Variants in PRRC2B observed in about 807,000 individuals in gnomAD.
The protein encoded by PRRC2B is proline rich coiled-coil 2B.
A neutral mutation model predicts 242.3 loss-of-function variants in PRRC2B; 68 were observed. That is an observed-to-expected ratio of 0.28 (90% CI 0.23 to 0.34). The LOEUF (loss-of-function observed/expected upper bound fraction) is 0.34, where lower values mean the gene tolerates loss of function less well. Among genes scored for constraint, PRRC2B ranks in the 10% least tolerant of loss-of-function variants. The probability of loss-of-function intolerance (pLI) is 1.00; values close to 1 mark genes in which losing one functional copy is unlikely to be tolerated. For synonymous variants in PRRC2B, 1,228 were observed against 1,173.6 expected (o/e 1.05, Z -0.95); for missense variants, 2,835 against 2,954.8 (o/e 0.96, Z 0.94).
Position 131,446,772 on chromosome 9 carries a change from CG to C in PRRC2B, c.855+131del, listed in dbSNP as rs1348652045. ...TTACCCTACTTCTGAGGCTTCCACTCGTTTTGCATTTTCTCTCCCTGCTTTT... is the reference window on the plus strand; with the variant it reads ...TTACCCTACTTCTGAGGCTTCCACTCTTTTGCATTTTCTCTCCCTGCTTTT... On this transcript the variant is annotated intron_variant, in intron 7 of 31. Transcript: ENST00000683519. This position sits in a 1 kb window ranked among gnomAD's most constrained non-coding sequence, Gnocchi z 4.1. The C allele has an allele frequency of 9.2e-7, 1 of 1,082,576 alleles. No individual in the cohort carries two copies. Among genetic ancestry groups the C allele is most frequent in the East Asian group, 2.5e-5 (1 of 40,370 alleles). The allele number at this position is 1,082,576 out of a possible 1,614,324, so 67.1% of individuals were successfully genotyped here. A position where few individuals can be genotyped will look rare whatever the true frequency, so the allele number is the denominator to read the frequency against.
intron 4 of PRRC2B, among the ~76,000 whole-genome samples, chr9:131,438,482 T>C (rs1043218171): frequency 4.6e-5 from 7 of 152,174 alleles, no homozygotes; most frequent in Non-Finnish European, 8.8e-5. Context: ...CTGTGCCTTG[T>C]AGAGTCACGG....
At position 131,475,949 on chromosome 9, in the gene PRRC2B, A is replaced by T. The variant is rs1381024139; in HGVS notation, c.3820A>T (p.Ser1274Cys). ...DAFGGRGFED[S>C]RAEDKRSFFQ... ...ATTTGGTGGCCGGGGCTTTGAGGAC[A>T]GCCGCGCGGAGGACAAGAGATCCTT... The change falls in exon 16 of 32, where the codon AGC (serine) becomes TGC (cysteine). Residue 1274 changes from serine to cysteine, a missense_variant. Coordinates refer to ENST00000683519, the MANE Select transcript of PRRC2B (RefSeq NM_013318.4). 6.2e-7 allele frequency: 1 copy of T among 1,613,696 alleles called. No individual in the cohort carries two copies. Among genetic ancestry groups the T allele is most frequent in the East Asian group, 2.2e-5 (1 of 44,868 alleles).
At chr9:131,483,691 A>G (rs1177933421) in intron 23 of PRRC2B, among the ~76,000 whole-genome samples, 2 of 152,182 alleles carry the variant, frequency 1.3e-5, no homozygotes, top group East Asian at 3.9e-4. Flanking sequence ...CCTCTGTGCC[A>G]GGTGCGAGCC....
chr9:131,436,683 C>G lies in PRRC2B; in HGVS notation c.357C>G (p.Val119=). 1 of 1,614,056 alleles carries G rather than the reference C, an allele frequency of 6.2e-7. No individual in the cohort carries two copies. The highest frequency in any genetic ancestry group is 8.5e-7 in the Non-Finnish European group (1 of 1,179,898). The change falls in exon 4 of 32, where the codon GTC becomes GTG. Residue 119 remains valine, a synonymous_variant. Coordinates refer to ENST00000683519, the MANE Select transcript of PRRC2B (RefSeq NM_013318.4). ...SLPQPGLQKS[V]SNLQKPTQSI... is the part of the protein sequence containing the mutation. ...CGCAGCCGGGTTTGCAGAAATCTGT[C>G]TCCAATTTGCAGAAACCGACACAGT...
intron 26 of PRRC2B, among the ~76,000 whole-genome samples, chr9:131,486,836 TG>T (rs1944037935): frequency 6.6e-6 from 1 of 152,264 alleles, no homozygotes; most frequent in South Asian, 2.1e-4. Context: ...CTTGCATAAC[TG>T]GGTCAGACTG....
intron 10 of PRRC2B, among the ~76,000 whole-genome samples, chr9:131,456,216 T>G (rs200206190): frequency 6.8e-6 from 1 of 147,320 alleles, no homozygotes; most frequent in South Asian, 2.1e-4. Flanking sequence ...TGTCTCTTTT[T>G]TTTTTTTTTT....
chr9:131,478,388 C>G (rs780348752), intron 17 of PRRC2B, 86 bp from the exon 18 acceptor site: 34 of 1,304,138 alleles, frequency 2.6e-5, no homozygotes, highest in Middle Eastern at 3.7e-4. Flanking sequence ...GAGCCTGATG[C>G]TAGATCTCAG....
At position 131,455,113 on chromosome 9, in the gene PRRC2B, G is replaced by C. The variant is rs1239689787; in HGVS notation, c.1158G>C (p.Lys386Asn). Residue 386 changes from lysine to asparagine, a missense_variant, in exon 10 of 32, where the codon AAG (lysine) becomes AAC (asparagine). Lys to Asn is a moderately conservative substitution (Grantham distance 94, BLOSUM62 0). Coordinates refer to ENST00000683519, the MANE Select transcript of PRRC2B (RefSeq NM_013318.4). Reference sequence around the variant, plus strand: ...AAGTGGACTATTCTGAGAAACTGAAGTTCAGTGATGATGAAGAGGAGGAAG... The same window carrying C: ...AAGTGGACTATTCTGAGAAACTGAACTTCAGTGATGATGAAGAGGAGGAAG... The part of the protein sequence containing the change: ...HEEVDYSEKL[K>N]FSDDEEEEEV... 6.2e-7 allele frequency: 1 copy of C among 1,613,896 alleles called. No individual in the cohort carries two copies. Among genetic ancestry groups the C allele is most frequent in the East Asian group, 2.2e-5 (1 of 44,886 alleles).
At chr9:131,478,657 G>T in intron 18 of PRRC2B, 38 bp downstream of exon 18, 1 of 1,397,036 alleles carries the variant, frequency 7.2e-7, no homozygotes, top group Non-Finnish European at 9.9e-7. Context: ...GGGCTGGAGG[G>T]CAGGCTGGCA....
At chr9:131,410,613 T>G (rs892777696) in intron 1 of PRRC2B, among the ~76,000 whole-genome samples, 1 of 152,252 alleles carries the variant, frequency 6.6e-6, no homozygotes, top group African/African-American at 2.4e-5. Context: ...GAACTAGTTA[T>G]TTAACCTTGC....
In PRRC2B at chr9:131,476,139, G is replaced by T. The variant is rs776028262; in HGVS notation, c.4010G>T (p.Gly1337Val). ...GPEEEPHLLA[G>V]QWPGRPKLCS... Reference sequence around the variant, plus strand: ...GAGGAGGAGCCCCACCTGCTGGCAGGTCAGTGGCCAGGCAGGCCCAAACTG... The same window carrying T: ...GAGGAGGAGCCCCACCTGCTGGCAGTTCAGTGGCCAGGCAGGCCCAAACTG... The change falls in exon 16 of 32, where the codon GGT (glycine) becomes GTT (valine). Residue 1337 changes from glycine to valine, a missense_variant. Around this residue, in one of 7 missense-constraint regions of PRRC2B, gnomAD observed 1,536 missense variants for 1,483.1 expected, o/e 1.04. Transcript: ENST00000683519. 1.2e-6 allele frequency: 2 copies of T among 1,611,300 alleles called. No homozygotes were observed. Among genetic ancestry groups the T allele is most frequent in the African/African-American group, 1.3e-5 (1 of 74,908 alleles).
intron 1 of PRRC2B, among the ~76,000 whole-genome samples, chr9:131,427,071 G>A (rs1374546296): frequency 6.6e-6 from 1 of 152,194 alleles, no homozygotes; most frequent in African/African-American, 2.4e-5. Flanking sequence ...TCGGACGTAG[G>A]ACCGCTTATC....
intron 28 of PRRC2B, among the ~76,000 whole-genome samples, chr9:131,489,696 C>T (rs572600442): frequency 1.4e-4 from 21 of 152,300 alleles, no homozygotes; most frequent in African/African-American, 5.1e-4. Context: ...GGAGCAGTGA[C>T]AGTCTCCAAG....
At chr9:131,402,044 C>T (rs1416479039) in intron 1 of PRRC2B, among the ~76,000 whole-genome samples, 1 of 151,934 alleles carries the variant, frequency 6.6e-6, no homozygotes. Context: ...GATCTCGGCT[C>T]ACTGCACCTC....
At position 131,496,924 on chromosome 9, in the gene PRRC2B, C is replaced by G. The variant is rs927835621; in HGVS notation, c.*1050C>G. On this transcript the variant is annotated 3_prime_UTR_variant, in exon 32 of 32. Coordinates refer to ENST00000683519, the MANE Select transcript of PRRC2B (RefSeq NM_013318.4). ...CTGCAGGGGTGCTGTGTTTTTCACA[C>G]ATTTCTTTCCCTGAAGCCTTCTGTA... 11 of 152,378 alleles carry G rather than the reference C, an allele frequency of 7.2e-5. No individual in the cohort carries two copies. The highest frequency in any genetic ancestry group is 2.7e-4 in the African/African-American group (11 of 41,470). 9.4% of individuals were successfully genotyped at this position (152,378 alleles called of 1,614,324 possible). A position where few individuals can be genotyped will look rare whatever the true frequency, so the allele number is the denominator to read the frequency against.
At position 131,491,091 on chromosome 9, in the gene PRRC2B, A is replaced by T. The variant is rs749595851; in HGVS notation, c.6226-334A>T. On this transcript the variant is annotated intron_variant, in intron 28 of 31. Transcript: ENST00000683519. Reference sequence around the variant, plus strand: ...AAGCACTTGCTGGACAAAGGCAGAAAGGGCTGAAGATAGACGCAGCCCTTA... The same window carrying T: ...AAGCACTTGCTGGACAAAGGCAGAATGGGCTGAAGATAGACGCAGCCCTTA... The T allele has an allele frequency of 2.6e-4, 70 of 271,792 alleles. 1 individual carries two copies. The highest frequency in any genetic ancestry group is 4.2e-5 in the Non-Finnish European group (6 of 143,596). 16.8% of individuals were successfully genotyped at this position (271,792 alleles called of 1,614,324 possible). A position where few individuals can be genotyped will look rare whatever the true frequency, so the allele number is the denominator to read the frequency against.
intron 29 of PRRC2B, among the ~76,000 whole-genome samples, 185 bp from the exon 30 acceptor site, chr9:131,491,984 C>T (rs1011178602): frequency 2.0e-5 from 3 of 152,230 alleles, no homozygotes; most frequent in African/African-American, 7.2e-5. Flanking sequence ...CAGAGCTGTA[C>T]TGGTCTGTGG....
Position 131,473,586 on chromosome 9 carries a change from C to A in PRRC2B, c.2186C>A (p.Pro729Gln), listed in dbSNP as rs1214032641. ...TCTGAGGATCAGAACTGTGTGCCCC[C>A]ACTCCAAGAAAGAAAAGTGACCCCC... Reference protein sequence around the residue: ...CRSEDQNCVPPLQERKVTPID... With the variant: ...CRSEDQNCVPQLQERKVTPID... The change falls in exon 15 of 32, where the codon CCA (proline) becomes CAA (glutamine). Residue 729 changes from proline to glutamine, a missense_variant. Coordinates refer to ENST00000683519, the MANE Select transcript of PRRC2B (RefSeq NM_013318.4). 1 of 1,611,758 alleles carries A rather than the reference C, an allele frequency of 6.2e-7. No homozygotes were observed. The highest frequency in any genetic ancestry group is 8.5e-7 in the Non-Finnish European group (1 of 1,179,040).
Position 131,386,956 on chromosome 9 carries a change from T to C in PRRC2B, c.-56+13225T>C, listed in dbSNP as rs144748767. ...GTCCAGGTTCCAAAACTGAAGAACT[T>C]TGGGAGAAAGATGTAGGCTGTGAAG... On this transcript the variant is annotated intron_variant, in intron 1 of 1. Coordinates refer to the PRRC2B transcript ENST00000682525. Among the ~76,000 whole-genome samples the C allele has an allele frequency of 2.2e-3, 328 of 150,072 alleles. 14 individuals carry two copies. The highest frequency in any genetic ancestry group is 3.4e-3 in the Non-Finnish European group (233 of 67,538).
Sources: gnomAD v4.1 joint callset for allele counts (sites outside exome capture counted in the v4.1 genomes callset) on GRCh38, gnomAD v4.1.1 for gene constraint, gnomAD v4.1.1 regional missense constraint, Gnocchi (gnomAD v3.1) non-coding constraint, MANE v1.5 for transcripts, NCBI Gene and HGNC (gene_info 2026-07-23, HGNC 2026-07-21) for gene names.